KLHL1: variants seen among roughly 807,000 people sequenced by gnomAD.
The protein encoded by KLHL1 is kelch like family member 1, also known as kelch-like protein 1.
KLHL1 carries 47 observed loss-of-function variants against 77.7 expected under a neutral mutation model. That is an observed-to-expected ratio of 0.60 (90% CI 0.48 to 0.77). The LOEUF is 0.77. Among genes scored for constraint, KLHL1 ranks in the 30% least tolerant of loss-of-function variants. KLHL1 has a pLI of 0.00. For missense variants in KLHL1, 925 were observed against 910.8 expected (o/e 1.02, Z -0.20); for synonymous variants, 360 against 325.2 (o/e 1.11, Z -1.15).
chr13:69,835,282 C>T (rs1485912795), intron 6 of KLHL1, among the ~76,000 whole-genome samples: 1 of 152,036 alleles, frequency 6.6e-6, no homozygotes, highest in Non-Finnish European at 1.5e-5. Flanking sequence ...TAATACCAGC[C>T]CACCTGGGCA....
At chr13:70,057,753 G>A (rs1427922430) in intron 1 of KLHL1, among the ~76,000 whole-genome samples, 2 of 134,920 alleles carry the variant, frequency 1.5e-5, no homozygotes, top group Non-Finnish European at 1.5e-5. Flanking sequence ...TCCGCAGTCC[G>A]GCCTGGGCGA....
intron 1 of KLHL1, among the ~76,000 whole-genome samples, chr13:70,065,289 T>C (rs989033983): frequency 6.6e-6 from 1 of 152,152 alleles, no homozygotes; most frequent in African/African-American, 2.4e-5. Context: ...GGATTTCATA[T>C]CCCTGGGTGA....
chr13:69,946,990 A>C (rs1214737188), intron 3 of KLHL1, among the ~76,000 whole-genome samples: 1 of 151,438 alleles, frequency 6.6e-6, no homozygotes, highest in African/African-American at 2.4e-5. Context: ...TTAATATCTT[A>C]AAAACTTGAG....
intron 5 of KLHL1, among the ~76,000 whole-genome samples, chr13:69,854,275 T>TG (rs1168494707): frequency 6.6e-6 from 1 of 151,914 alleles, no homozygotes; most frequent in Non-Finnish European, 1.5e-5. Context: ...GACTTCAGGC[T>TG]GTTTCTACTC....
chr13:69,925,433 A>G (rs1372450201), intron 4 of KLHL1, among the ~76,000 whole-genome samples: 3 of 152,190 alleles, frequency 2.0e-5, no homozygotes, highest in Non-Finnish European at 4.4e-5. Flanking sequence ...TCATGAAGAA[A>G]TTGTAATTCT....
chr13:70,089,681 T>C (rs1041072711), intron 1 of KLHL1, among the ~76,000 whole-genome samples: 3 of 152,152 alleles, frequency 2.0e-5, no homozygotes, highest in Non-Finnish European at 2.9e-5. Context: ...ATCTAGGTCC[T>C]GCAGATTTAA....
intron 7 of KLHL1, among the ~76,000 whole-genome samples, chr13:69,768,131 A>G (rs2137977043): frequency 1.3e-5 from 2 of 152,304 alleles, no homozygotes; most frequent in South Asian, 2.1e-4. Flanking sequence ...AATATTAGCC[A>G]TCATTCAAAT....
chr13:70,033,888 GGCGTTA>G (rs2137370035), intron 1 of KLHL1, among the ~76,000 whole-genome samples: 1 of 152,164 alleles, frequency 6.6e-6, no homozygotes, highest in East Asian at 1.9e-4. Flanking sequence ...TGGGATTACA[GGCGTTA>G]GCCACTGCAC....
At chr13:69,751,718 T>C (rs764897634) in intron 7 of KLHL1, among the ~76,000 whole-genome samples, 32 of 152,220 alleles carry the variant, frequency 2.1e-4, no homozygotes, top group Non-Finnish European at 4.1e-4. Context: ...AAGTTACTAA[T>C]ATGTTTTAAA....
At chr13:70,067,493 A>G (rs1449736482) in intron 1 of KLHL1, among the ~76,000 whole-genome samples, 1 of 152,146 alleles carries the variant, frequency 6.6e-6, no homozygotes, top group Non-Finnish European at 1.5e-5. Flanking sequence ...CCGGTGGAGA[A>G]CGAAGGGTAA....
intron 5 of KLHL1, among the ~76,000 whole-genome samples, chr13:69,849,975 C>T (rs73212526): frequency 0.021 from 3,108 of 151,400 alleles, 43 homozygotes; most frequent in Non-Finnish European, 0.031. Context: ...TATTAGAAAC[C>T]TCTTTGCTAA....
At chr13:70,015,791 C>T (rs529241075) in intron 1 of KLHL1, among the ~76,000 whole-genome samples, 2 of 152,206 alleles carry the variant, frequency 1.3e-5, no homozygotes, top group African/African-American at 2.4e-5. Context: ...GATGGGTTTA[C>T]TGGACATAAT....
At chr13:69,955,689 A>G (rs1280127240) in intron 3 of KLHL1, among the ~76,000 whole-genome samples, 1 of 150,874 alleles carries the variant, frequency 6.6e-6, no homozygotes, top group Non-Finnish European at 1.5e-5. Context: ...CAACTTTAAA[A>G]TATAGTGAAC....
chr13:70,102,059 TA>T (rs1264967140), intron 1 of KLHL1, among the ~76,000 whole-genome samples: 2 of 152,122 alleles, frequency 1.3e-5, no homozygotes, highest in African/African-American at 4.8e-5. Flanking sequence ...TTTAGTTTCA[TA>T]GAAGTATAGT....
intron 7 of KLHL1, among the ~76,000 whole-genome samples, chr13:69,754,528 T>A (rs1233784308): frequency 6.6e-6 from 1 of 152,132 alleles, no homozygotes; most frequent in Non-Finnish European, 1.5e-5. Flanking sequence ...ATCTTCCAAA[T>A]TTTAATATTT....
chr13:70,081,622 G>A (rs776330595), intron 1 of KLHL1, among the ~76,000 whole-genome samples: 1 of 152,026 alleles, frequency 6.6e-6, no homozygotes. Context: ...ATCTACAAAT[G>A]GAGAGAGACA....
chr13:70,037,779 T>C (rs375991720), intron 1 of KLHL1, among the ~76,000 whole-genome samples: 4 of 152,276 alleles, frequency 2.6e-5, no homozygotes, highest in East Asian at 1.9e-4. Context: ...CACACATTAA[T>C]TGGGCTTTCT....
intron 7 of KLHL1, among the ~76,000 whole-genome samples, chr13:69,784,881 C>CTTT (rs1566250066): frequency 9.0e-6 from 1 of 110,886 alleles, no homozygotes; most frequent in Non-Finnish European, 2.0e-5. Flanking sequence ...ACAGAATATA[C>CTTT]ATTTTTTTTT....
At chr13:69,929,246 C>T (rs117500037) in intron 4 of KLHL1, among the ~76,000 whole-genome samples, 2,687 of 152,036 alleles carry the variant, frequency 0.018, 35 homozygotes, top group Middle Eastern at 0.041. Flanking sequence ...TTGTATTAAA[C>T]ATTGTTAAAA....
Sources: gnomAD v4.1 joint callset for allele counts (sites outside exome capture counted in the v4.1 genomes callset) on GRCh38, gnomAD v4.1.1 for gene constraint, MANE v1.5 for transcripts, NCBI Gene and HGNC (gene_info 2026-07-23, HGNC 2026-07-21) for gene names.